VIPR1: variants seen among roughly 807,000 people sequenced by gnomAD.
VIPR1 encodes vasoactive intestinal peptide receptor 1.
In VIPR1, 59 loss-of-function variants were observed where a neutral mutation model predicts 58.8. The observed-to-expected ratio is 1.00, with a 90% CI of 0.81 to 1.25. The LOEUF (loss-of-function observed/expected upper bound fraction) is 1.25, where lower values mean the gene tolerates loss of function less well. Among genes scored for constraint, VIPR1 ranks in the 50% most tolerant of loss-of-function variants. VIPR1 has a pLI of 0.00. For synonymous variants in VIPR1, 251 were observed against 242.1 expected, an observed-to-expected ratio of 1.04 and a Z score of -0.34; for missense variants, 626 against 602.7, an observed-to-expected ratio of 1.04 and a Z score of -0.40.
chr3:42,515,736 C>T (rs146915109), intron 2 of VIPR1, among the ~76,000 whole-genome samples: 1 of 152,202 alleles, frequency 6.6e-6, no homozygotes, highest in Non-Finnish European at 1.5e-5. Context: ...TCTGGAGCTG[C>T]GTCTGTGCCT....
upstream of VIPR1, among the ~76,000 whole-genome samples, chr3:42,498,563 G>A (rs1699810095): frequency 6.6e-6 from 1 of 152,132 alleles, no homozygotes; most frequent in African/African-American, 2.4e-5. Context: ...AGAGCTCTAA[G>A]CCCCAGCCTC....
intron 1 of VIPR1, among the ~76,000 whole-genome samples, chr3:42,510,434 T>C (rs1199655458): frequency 6.6e-6 from 1 of 152,168 alleles, no homozygotes; most frequent in Non-Finnish European, 1.5e-5. Flanking sequence ...ATAATGAGGA[T>C]GTTTAGAATA....
intron 1 of VIPR1, chr3:42,513,529 C>T: frequency 1.9e-6 from 1 of 518,452 alleles, no homozygotes; most frequent in Non-Finnish European, 3.5e-6. Flanking sequence ...ATGGGGGAGC[C>T]ATCAAGAAGC....
intron 1 of VIPR1, among the ~76,000 whole-genome samples, chr3:42,495,645 C>T (rs1699745027): frequency 6.6e-6 from 1 of 151,956 alleles, no homozygotes; most frequent in Admixed American, 6.6e-5. Context: ...CAGACAGCTT[C>T]AAAGCTGCAG....
At chr3:42,515,916 C>A (rs1700602162) in intron 2 of VIPR1, among the ~76,000 whole-genome samples, 2 of 152,150 alleles carry the variant, frequency 1.3e-5, no homozygotes, top group African/African-American at 4.8e-5. Context: ...CAGTGATACA[C>A]CCAGACATGT....
Position 42,506,733 on chromosome 3 carries a change from G to C in VIPR1, c.78+3920G>C, listed in dbSNP as rs1248872383. 7 of 151,982 alleles carry C rather than the reference G, an allele frequency of 4.6e-5. No homozygotes were observed. The South Asian group carries it at 1.5e-3, about 32-fold the overall frequency. 9.4% of individuals were successfully genotyped at this position (151,982 alleles called of 1,614,324 possible). ...AGTAGAGACAGGGTTTCGCCATGTT[G>C]GCCAGGCTGCTCTTGAACTCCTGGC... On this transcript the variant is annotated intron_variant, in intron 1 of 12. Coordinates refer to ENST00000325123, the MANE Select transcript of VIPR1 (RefSeq NM_004624.4).
chr3:42,525,239 A>G (rs969216943), intron 3 of VIPR1, among the ~76,000 whole-genome samples: 1 of 152,088 alleles, frequency 6.6e-6, no homozygotes, highest in Admixed American at 6.5e-5. Context: ...TGCAGCTTCA[A>G]GCCTCTGAGG....
rs539038259 is a variant in VIPR1 at position 42,525,801 on chromosome 3, A to G, written c.293-86A>G. The G allele has an allele frequency of 4.3e-6, 6 of 1,381,442 alleles. No homozygotes were observed. In the African/African-American group the frequency reaches 8.6e-5, roughly 20 times the overall value. 85.6% of individuals were successfully genotyped at this position (1,381,442 alleles called of 1,614,324 possible). A position where few individuals can be genotyped will look rare whatever the true frequency, so the allele number is the denominator to read the frequency against. ...ACCAGGGTTGGTGGGAGTAGGGCTG[A>G]ATTCTCTGCCTTGTTCCAAGCAGAG... On this transcript the variant is annotated intron_variant, in intron 3 of 12. Coordinates refer to ENST00000325123, the MANE Select transcript of VIPR1 (RefSeq NM_004624.4).
At chr3:42,530,438 T>G in intron 6 of VIPR1, 1 of 242,564 alleles carries the variant, frequency 4.1e-6, no homozygotes, top group East Asian at 9.0e-5. Flanking sequence ...AATGAGTGAG[T>G]TGATAGTGAA....
At chr3:42,491,064 GGCACAAGCAGCAAACT>G (rs1559472780) in intron 1 of VIPR1, among the ~76,000 whole-genome samples, 2 of 151,986 alleles carry the variant, frequency 1.3e-5, no homozygotes, top group African/African-American at 2.4e-5. Flanking sequence ...ACACCACAGG[GGCACAAGCAGCAAACT>G]TTGACAGGAG....
intron 1 of VIPR1, among the ~76,000 whole-genome samples, chr3:42,496,153 C>G (rs962404289): frequency 6.6e-6 from 1 of 152,112 alleles, no homozygotes; most frequent in African/African-American, 2.4e-5. Flanking sequence ...AGGAGAATGG[C>G]TTGAACCCGG....
chr3:42,491,110 C>T (rs1021415237), intron 1 of VIPR1, among the ~76,000 whole-genome samples: 1 of 152,176 alleles, frequency 6.6e-6, no homozygotes, highest in Non-Finnish European at 1.5e-5. Context: ...GCGCAGAACC[C>T]ACAACCCAGT....
Position 42,502,692 on chromosome 3 carries a change from T to A in VIPR1, c.-44T>A, listed in dbSNP as rs922028124. 9.5e-5 allele frequency: 121 copies of A among 1,269,794 alleles called. No individual in the cohort carries two copies. In the African/African-American group the frequency reaches 1.5e-3, roughly 16 times the overall value. The allele number at this position is 1,269,794 out of a possible 1,614,324, so 78.7% of individuals were successfully genotyped here. A position where few individuals can be genotyped will look rare whatever the true frequency, so the allele number is the denominator to read the frequency against. On this transcript the variant is annotated 5_prime_UTR_variant, in exon 1 of 13. Coordinates refer to ENST00000325123, the MANE Select transcript of VIPR1 (RefSeq NM_004624.4). ...CCCGCCTGGTGCGCCGCCCGCCAGC[T>A]CTTTGCCCGCGCGGGGCCGCCCGCC...
chr3:42,491,029 C>T (rs755717843), intron 1 of VIPR1, among the ~76,000 whole-genome samples: 2 of 152,092 alleles, frequency 1.3e-5, no homozygotes, highest in African/African-American at 4.8e-5. Context: ...CCACAATAGT[C>T]AGTCTGAGAG....
chr3:42,530,812 T>A lies in VIPR1; in HGVS notation c.670T>A (p.Tyr224Asn). The A allele has an allele frequency of 6.2e-7, 1 of 1,614,090 alleles. No homozygotes were observed. The highest frequency in any genetic ancestry group is 1.1e-5 in the South Asian group (1 of 91,080). ...TAAGGCAGCCATGGTCTTTTTCCAA[T>A]ATTGTGTCATGGCTAACTTCTTCTG... ...GCKAAMVFFQYCVMANFFWLL... is the reference protein window; with the variant it reads ...GCKAAMVFFQNCVMANFFWLL... Residue 224 changes from tyrosine (Y) to asparagine (N), a missense_variant, in exon 7 of 13, where the codon TAT (tyrosine) becomes AAT (asparagine). Coordinates refer to ENST00000325123, the MANE Select transcript of VIPR1 (RefSeq NM_004624.4).
intron 2 of VIPR1, among the ~76,000 whole-genome samples, chr3:42,515,334 T>C (rs1027056225): frequency 7.2e-5 from 11 of 152,188 alleles, no homozygotes; most frequent in African/African-American, 2.7e-4. Context: ...CCCTTGACTC[T>C]AGGGCCCAGA....
At chr3:42,508,766 C>G (rs1237690831) in intron 1 of VIPR1, 1 of 152,318 alleles carries the variant, frequency 6.6e-6, no homozygotes, top group Admixed American at 6.5e-5. Context: ...TCCTCTCTCC[C>G]CTCTTGCCTC....
chr3:42,513,055 TC>T, intron 1 of VIPR1: 1 of 840,792 alleles, frequency 1.2e-6, no homozygotes, highest in Non-Finnish European at 1.4e-6. Flanking sequence ...CTCTTCACCT[TC>T]CAGAAGCAGG....
intron 3 of VIPR1, among the ~76,000 whole-genome samples, chr3:42,523,092 C>CA (rs1553638540): frequency 2.0e-5 from 3 of 151,506 alleles, no homozygotes; most frequent in East Asian, 3.9e-4. Flanking sequence ...TGACCCCGCC[C>CA]CCAGTGGAGT....
Sources: allele counts gnomAD v4.1 joint callset (sites outside exome capture counted in the v4.1 genomes callset), GRCh38; gene constraint gnomAD v4.1.1; transcripts MANE v1.5; gene names NCBI Gene and HGNC (gene_info 2026-07-23, HGNC 2026-07-21).